The following PC variants were observed in gnomAD, a reference collection of about 807,000 sequenced individuals.
PC encodes the protein pyruvate carboxylase, mitochondrial.
PC carries 46 observed loss-of-function variants against 107.8 expected under a neutral mutation model. The ratio of observed to expected loss-of-function variants is 0.43; its 90% confidence interval spans 0.34 to 0.55. The LOEUF (loss-of-function observed/expected upper bound fraction) is 0.55. Among genes scored for constraint, PC ranks in the 20% least tolerant of loss-of-function variants. The pLI is 0.04. For synonymous variants in PC, 662 were observed against 684.7 expected, an observed-to-expected ratio of 0.97 and a Z score of 0.52; for missense variants, 1,241 against 1,643.1, an observed-to-expected ratio of 0.76 and a Z score of 4.23.
intron 3 of PC, among the ~76,000 whole-genome samples, chr11:66,879,712 T>C (rs540486514): frequency 1.8e-4 from 27 of 152,272 alleles, no homozygotes; most frequent in Non-Finnish European, 3.7e-4. Flanking sequence ...AGAGAGTAGC[T>C]GATCCACAGC....
intron 3 of PC, among the ~76,000 whole-genome samples, chr11:66,909,950 C>T (rs1055261056): frequency 3.9e-5 from 6 of 152,062 alleles, no homozygotes; most frequent in African/African-American, 1.2e-4. Flanking sequence ...CCACTCACTG[C>T]GGCAGAGCAA....
chr11:66,861,975 T>C (rs1183371298), intron 12 of PC, among the ~76,000 whole-genome samples: 1 of 151,948 alleles, frequency 6.6e-6, no homozygotes, highest in Admixed American at 6.6e-5. Context: ...CGTGGGGAGC[T>C]GCTGAGGGTG....
At chr11:66,881,532 G>A (rs906838106) in intron 3 of PC, among the ~76,000 whole-genome samples, 8 of 152,230 alleles carry the variant, frequency 5.3e-5, no homozygotes, top group African/African-American at 1.4e-4. Flanking sequence ...GAGGCAGGGC[G>A]AGGGCCTGGC....
chr11:66,891,052 GT>G (rs1010973225), intron 3 of PC, among the ~76,000 whole-genome samples: 1 of 150,978 alleles, frequency 6.6e-6, no homozygotes, highest in African/African-American at 2.4e-5. Flanking sequence ...TAGGCATGGG[GT>G]TTTTTTTTGT....
intron 3 of PC, among the ~76,000 whole-genome samples, chr11:66,882,425 C>A (rs1947217904): frequency 6.6e-6 from 1 of 152,224 alleles, no homozygotes; most frequent in Non-Finnish European, 1.5e-5. Flanking sequence ...AAGACCAGGC[C>A]CTGCTTCAGG....
At chr11:66,956,550 A>C (rs1309000782) in intron 1 of PC, among the ~76,000 whole-genome samples, 2 of 152,068 alleles carry the variant, frequency 1.3e-5, no homozygotes, top group Admixed American at 1.3e-4. Context: ...ACACCGCTGC[A>C]CTCCAGCCTG....
intron 3 of PC, among the ~76,000 whole-genome samples, chr11:66,884,302 C>T (rs981966848): frequency 2.6e-5 from 4 of 151,458 alleles, no homozygotes; most frequent in African/African-American, 9.7e-5. Context: ...GTCTCAGCTG[C>T]TTGGAAGCCT....
intron 12 of PC, among the ~76,000 whole-genome samples, chr11:66,855,594 C>T (rs1346140793): frequency 1.3e-5 from 2 of 152,186 alleles, no homozygotes; most frequent in African/African-American, 2.4e-5. Flanking sequence ...CCACTGCACC[C>T]GGTGGAAAAC....
chr11:66,885,489 A>T (rs1485312615), intron 3 of PC, among the ~76,000 whole-genome samples: 2 of 63,200 alleles, frequency 3.2e-5, no homozygotes, highest in South Asian at 3.3e-4. Context: ...ACTCTGTCTA[A>T]AAAAAAAAAA....
intron 12 of PC, chr11:66,859,615 G>A (rs777761696): frequency 4.3e-6 from 7 of 1,612,428 alleles, no homozygotes; most frequent in Non-Finnish European, 4.2e-6. Flanking sequence ...CCCGGGCTCT[G>A]ACCACCTGCC....
rs375994634 is a variant in PC, at chr11:66,849,674, G to T, written c.3084C>A (p.Gly1028=). ...AHFKDFTATF[G]PLDSLNTRLF... is the part of the protein sequence containing the mutation. ...GGCGAGTATTCAGGCTATCCAGGGG[G>T]CCAAAGGTGGCAGTGAAGTCCTTGA... is the stretch of plus-strand genomic sequence containing the variant. The change falls in exon 21 of 23, where the codon GGC becomes GGA. Residue 1028 remains glycine, a synonymous_variant. Transcript: ENST00000393960. 2.0e-5 allele frequency: 32 copies of T among 1,614,084 alleles called. No homozygotes were observed. Among genetic ancestry groups the T allele is most frequent in the Non-Finnish European group, 2.5e-5 (30 of 1,180,040 alleles).
In PC at chr11:66,862,426, C is replaced by T. The variant is rs115539202; in HGVS notation, c.1368+1348G>A. On this transcript the variant is annotated intron_variant, in intron 12 of 22. Transcript: ENST00000393960. ...ATTGCAGGACCCTGAGGGGACAGCA[C>T]GGCCCACATGCCCCCCCATCCCCCA... Among the ~76,000 whole-genome samples, 276 of 152,356 alleles carry T rather than the reference C, an allele frequency of 1.8e-3. 1 individual carries two copies. The highest frequency in any genetic ancestry group is 6.0e-3 in the African/African-American group (248 of 41,592).
At chr11:66,917,766 C>T (rs139388621) in intron 3 of PC, among the ~76,000 whole-genome samples, 211 of 152,276 alleles carry the variant, frequency 1.4e-3, no homozygotes, top group African/African-American at 4.9e-3. Flanking sequence ...TGTATAATAA[C>T]GGAGAAATTT....
At chr11:66,939,450 C>T (rs1390620304) in intron 3 of PC, among the ~76,000 whole-genome samples, 3 of 152,154 alleles carry the variant, frequency 2.0e-5, no homozygotes, top group Non-Finnish European at 2.9e-5. Context: ...CTGTATCTCA[C>T]AGTGCTCCTT....
chr11:66,894,370 T>C (rs1947675054), intron 3 of PC, among the ~76,000 whole-genome samples: 1 of 152,188 alleles, frequency 6.6e-6, no homozygotes, highest in Non-Finnish European at 1.5e-5. Flanking sequence ...TAGAACACCC[T>C]TCCCGTCCCA....
chr11:66,915,692 A>C (rs1214569079), intron 3 of PC, among the ~76,000 whole-genome samples: 1 of 152,174 alleles, frequency 6.6e-6, no homozygotes, highest in African/African-American at 2.4e-5. Flanking sequence ...GAGGGACCAC[A>C]GGCCTCAGAG....
chr11:66,940,283 C>T (rs1050548104), intron 3 of PC, among the ~76,000 whole-genome samples: 1 of 151,194 alleles, frequency 6.6e-6, no homozygotes, highest in African/African-American at 2.4e-5. Context: ...ACTGCAGCCT[C>T]GACTTCTCAT....
chr11:66,856,013 G>A (rs1179758619), intron 12 of PC, among the ~76,000 whole-genome samples: 1 of 131,992 alleles, frequency 7.6e-6, no homozygotes, highest in African/African-American at 3.3e-5. Flanking sequence ...CAGGAGACAC[G>A]GGGAGGTGGT....
At chr11:66,947,493 G>T (rs896465756) in intron 3 of PC, among the ~76,000 whole-genome samples, 2 of 150,302 alleles carry the variant, frequency 1.3e-5, no homozygotes, top group African/African-American at 4.9e-5. Context: ...AGGTTGAGGC[G>T]GAGCTTGCAG....
Sources: allele counts gnomAD v4.1 joint callset (sites outside exome capture counted in the v4.1 genomes callset), GRCh38; gene constraint gnomAD v4.1.1; transcripts MANE v1.5; gene names NCBI Gene and HGNC (gene_info 2026-07-23, HGNC 2026-07-21).